GALNT14: variants seen among roughly 807,000 people sequenced by gnomAD.
GALNT14 encodes the protein polypeptide N-acetylgalactosaminyltransferase 14, also known as UDP-GalNAc:polypeptide N-acetylgalactosaminyltransferase 14.
GALNT14 carries 60 observed loss-of-function variants against 77.5 expected under a neutral mutation model. The ratio of observed to expected loss-of-function variants is 0.77; its 90% CI spans 0.63 to 0.96. GALNT14 has a LOEUF of 0.96. Ranked by LOEUF, GALNT14 falls within the 40% of genes least tolerant of loss-of-function variation. The pLI is 0.00. For missense variants in GALNT14, 710 were observed against 731.0 expected (o/e 0.97, Z 0.33); for synonymous variants, 280 against 281.7 (o/e 0.99, Z 0.06).
chr2:31,060,980 G>T (rs1455809879), intron 1 of GALNT14, among the ~76,000 whole-genome samples: 1 of 152,162 alleles, frequency 6.6e-6, no homozygotes, highest in Non-Finnish European at 1.5e-5. Flanking sequence ...ACTTCCTCTA[G>T]TTCTTCCTTC....
intron 1 of GALNT14, chr2:31,129,743 A>T: frequency 3.0e-6 from 2 of 665,988 alleles, no homozygotes; most frequent in Non-Finnish European, 3.7e-6. Context: ...AGGGACATCA[A>T]TGATTACTGT....
At chr2:30,915,783 A>G (rs1664639638) in intron 13 of GALNT14, among the ~76,000 whole-genome samples, 1 of 152,210 alleles carries the variant, frequency 6.6e-6, no homozygotes, top group African/African-American at 2.4e-5. Flanking sequence ...CTGAACAGGC[A>G]GGCCTCTAAG....
chr2:31,017,499 T>C (rs1484313212), intron 1 of GALNT14, among the ~76,000 whole-genome samples: 2 of 152,198 alleles, frequency 1.3e-5, no homozygotes, highest in African/African-American at 4.8e-5. Flanking sequence ...CTGCAGGGGA[T>C]CCAGGTTCTT....
At chr2:31,049,089 G>A (rs1351730824) in intron 1 of GALNT14, among the ~76,000 whole-genome samples, 1 of 152,162 alleles carries the variant, frequency 6.6e-6, no homozygotes. Context: ...GTCCCGTAAC[G>A]TATATTTCAT....
At chr2:31,022,886 G>T (rs1285727371) in intron 1 of GALNT14, among the ~76,000 whole-genome samples, 1 of 152,150 alleles carries the variant, frequency 6.6e-6, no homozygotes, top group African/African-American at 2.4e-5. Context: ...CCGCCTATGG[G>T]TGCCCTGCCA....
chr2:30,986,679 ACTC>A (rs1669319694), intron 2 of GALNT14, among the ~76,000 whole-genome samples: 3 of 152,136 alleles, frequency 2.0e-5, no homozygotes, highest in African/African-American at 7.2e-5. Flanking sequence ...GAACAGCAGA[ACTC>A]CTCTGGACAA....
chr2:31,044,277 C>T (rs4952036), intron 1 of GALNT14, among the ~76,000 whole-genome samples: 3 of 151,904 alleles, frequency 2.0e-5, no homozygotes, highest in Non-Finnish European at 2.9e-5. Flanking sequence ...TCATTGTGTT[C>T]ACAAACTCAA....
intron 13 of GALNT14, among the ~76,000 whole-genome samples, chr2:30,923,221 C>A (rs1219616445): frequency 6.6e-6 from 1 of 151,372 alleles, no homozygotes; most frequent in African/African-American, 2.4e-5. Context: ...TGCCACCCTG[C>A]CCGGCTAATT....
intron 2 of GALNT14, among the ~76,000 whole-genome samples, chr2:30,992,200 A>G (rs1669745685): frequency 6.6e-6 from 1 of 152,188 alleles, no homozygotes; most frequent in African/African-American, 2.4e-5. Context: ...GAAAGTCTTC[A>G]CAAAGCCTCT....
At chr2:30,928,872 C>T (rs1281208912) in intron 11 of GALNT14, among the ~76,000 whole-genome samples, 1 of 152,188 alleles carries the variant, frequency 6.6e-6, no homozygotes, top group Non-Finnish European at 1.5e-5. Context: ...ACCTCGGCCT[C>T]CCAAAGTGCT....
At chr2:31,105,396 T>G (rs1677505100) in intron 1 of GALNT14, among the ~76,000 whole-genome samples, 1 of 152,164 alleles carries the variant, frequency 6.6e-6, no homozygotes, top group African/African-American at 2.4e-5. Flanking sequence ...GCCCTATCCC[T>G]TAAGTTAGCC....
chr2:30,918,848 G>C (rs1664860650), intron 13 of GALNT14, among the ~76,000 whole-genome samples: 1 of 147,742 alleles, frequency 6.8e-6, no homozygotes, highest in Non-Finnish European at 1.5e-5. Context: ...CAGGGAAGGT[G>C]GCATCAGGCG....
Position 30,942,226 on chromosome 2 carries a change from C to T in GALNT14, c.906G>A (p.Met302Ile). The change falls in exon 9 of 15, where the codon ATG becomes ATA. Residue 302 changes from methionine to isoleucine, a missense_variant. Physicochemically the swap from Met to Ile is conservative, Grantham distance 10. Transcript: ENST00000349752. ...CAAAGTTCTCCCCACCCCAGATGTC[C>T]ATGTCCATATCATATTTCCCCAGGT... ...FDYLGKYDMD[M>I]DIWGGENFEI... 1 of 1,613,994 alleles carries T rather than the reference C, an allele frequency of 6.2e-7. No homozygotes were observed. The highest frequency in any genetic ancestry group is 1.3e-5 in the African/African-American group (1 of 75,028).
At position 31,138,028 on chromosome 2, in the gene GALNT14, A is replaced by C. The variant is rs540309896; in HGVS notation, c.59T>G (p.Val20Gly). Residue 20 changes from valine (V) to glycine (G), a missense_variant, in exon 1 of 15, where the codon GTG (valine) becomes GGG (glycine). Physicochemically the swap from Val to Gly is moderately radical, Grantham distance 109 (BLOSUM62 -3). Coordinates refer to ENST00000349752, the MANE Select transcript of GALNT14 (RefSeq NM_024572.4). ...LPVFGVLWIT[V>G]LLFFWVTKRK... is the part of the protein sequence containing the mutation. ...CTTGGTTACCCAGAAGAACAGCAGCACCGTGATCCAGAGCACCCCGAAGAC... is the reference window on the plus strand; with the variant it reads ...CTTGGTTACCCAGAAGAACAGCAGCCCCGTGATCCAGAGCACCCCGAAGAC... 6.2e-7 allele frequency: 1 copy of C among 1,613,784 alleles called. No homozygotes were observed. The highest frequency in any genetic ancestry group is 1.1e-5 in the South Asian group (1 of 91,086).
chr2:30,957,104 T>C (rs977769872), intron 4 of GALNT14, among the ~76,000 whole-genome samples: 10 of 152,064 alleles, frequency 6.6e-5, no homozygotes, highest in African/African-American at 2.2e-4. Flanking sequence ...GGCTCCACCA[T>C]TGTGGTTTTG....
At chr2:30,902,296 G>C in the GALNT14 span, among the ~76,000 whole-genome samples, 1 of 152,174 alleles carries the variant, frequency 6.6e-6, no homozygotes, top group Non-Finnish European at 1.5e-5. Flanking sequence ...TTAGTGGCTA[G>C]AGAGCATTTG....
intron 1 of GALNT14, among the ~76,000 whole-genome samples, chr2:31,118,315 C>T (rs1352371794): frequency 6.6e-6 from 1 of 151,694 alleles, no homozygotes; most frequent in Non-Finnish European, 1.5e-5. Flanking sequence ...AACCAAAGTA[C>T]CAAAAAAAAC....
chr2:31,077,192 G>A (rs1450989071), intron 1 of GALNT14, among the ~76,000 whole-genome samples: 1 of 152,208 alleles, frequency 6.6e-6, no homozygotes, highest in East Asian at 1.9e-4. Context: ...CAGGTACAAA[G>A]AGGTTAGGAT....
intron 4 of GALNT14, among the ~76,000 whole-genome samples, chr2:30,957,330 G>A (rs541778750): frequency 2.0e-5 from 3 of 152,288 alleles, no homozygotes; most frequent in Admixed American, 6.5e-5. Flanking sequence ...CACATAGCTA[G>A]TGAGTGATTT....
Sources: gnomAD v4.1 joint callset for allele counts (sites outside exome capture counted in the v4.1 genomes callset) on GRCh38, gnomAD v4.1.1 for gene constraint, MANE v1.5 for transcripts, NCBI Gene and HGNC (gene_info 2026-07-23, HGNC 2026-07-21) for gene names.